Variants in KDM5B observed in about 807,000 individuals in gnomAD.
KDM5B encodes the protein lysine demethylase 5B.
A neutral mutation model predicts 193.4 loss-of-function variants in KDM5B; 144 were observed. The ratio of observed to expected loss-of-function variants is 0.74; its 90% CI spans 0.65 to 0.86. The LOEUF is 0.86. Among genes scored for constraint, KDM5B ranks in the 40% least tolerant of loss-of-function variants. KDM5B has a pLI of 0.00. For missense variants in KDM5B, 1,833 were observed against 1,886.9 expected (o/e 0.97, Z 0.53); for synonymous variants, 668 against 682.6 (o/e 0.98, Z 0.33).
chr1:202,775,874 AAAAAAATATAT>A (rs1451184702), intron 2 of KDM5B, among the ~76,000 whole-genome samples: 3 of 126,988 alleles, frequency 2.4e-5, no homozygotes, highest in Admixed American at 9.3e-5. Flanking sequence ...AAAAAAAAAA[AAAAAAATATAT>A]ATATATATAT....
Position 202,733,894 on chromosome 1 carries a change from A to G in KDM5B, c.3424-8T>C. ...TTCCCCAAGAGTTGCCATCTGAAAA[A>G]GAGTTAACAATCAAGGATGATGTCC... On this transcript the variant is annotated splice_region_variant and splice_polypyrimidine_tract_variant and intron_variant, in intron 22 of 26. Transcript: ENST00000367265. The G allele has an allele frequency of 1.2e-6, 2 of 1,600,040 alleles. No homozygotes were observed. The highest frequency in any genetic ancestry group is 1.7e-6 in the Non-Finnish European group (2 of 1,173,038).
Position 202,808,343 on chromosome 1 carries a change from C to G in KDM5B, c.-38G>C. On this transcript the variant is annotated 5_prime_UTR_variant, in exon 1 of 27. Transcript: ENST00000367265. ...GGCAAGGGCGAGGCGAAGGTGGGCT[C>G]CGGGACCGAGGCTGCGAGCTCCGCT... is the stretch of plus-strand genomic sequence containing the variant. The G allele has an allele frequency of 6.6e-7, 1 of 1,517,200 alleles. No homozygotes were observed. Among genetic ancestry groups the G allele is most frequent in the Non-Finnish European group, 8.8e-7 (1 of 1,136,208 alleles). 94.0% of individuals were successfully genotyped at this position (1,517,200 alleles called of 1,614,324 possible). A position where few individuals can be genotyped will look rare whatever the true frequency, so the allele number is the denominator to read the frequency against.
At chr1:202,783,103 G>A (rs775260363) in intron 1 of KDM5B, among the ~76,000 whole-genome samples, 5 of 152,088 alleles carry the variant, frequency 3.3e-5, no homozygotes, top group Non-Finnish European at 5.9e-5. Flanking sequence ...AAAATTAGCC[G>A]GACATGGTGG....
Position 202,755,512 on chromosome 1 carries a change from A to G in KDM5B, c.1357-60T>C, listed in dbSNP as rs1204777778. 8.7e-6 allele frequency: 11 copies of G among 1,265,408 alleles called. No individual in the cohort carries two copies. The African/African-American group carries it at 1.2e-4, about 14-fold the overall frequency. 78.4% of individuals were successfully genotyped at this position (1,265,408 alleles called of 1,614,324 possible). ...AGCTATACAATGCTAACGTTTTAGA[A>G]GGCCAGCTAAAAATATTATCCTTCA... is the stretch of plus-strand genomic sequence containing the variant. On this transcript the variant is annotated intron_variant, in intron 10 of 26. Coordinates refer to ENST00000367265, the MANE Select transcript of KDM5B (RefSeq NM_006618.5).
At chr1:202,740,580 G>C (rs1404898141) in intron 20 of KDM5B, 94 bp downstream of exon 20, 2 of 1,261,476 alleles carry the variant, frequency 1.6e-6, no homozygotes, top group South Asian at 1.6e-5. Context: ...GGCCGGGTCG[G>C]GGGCTGACCC....
At chr1:202,783,158 C>T (rs1657266080) in intron 1 of KDM5B, among the ~76,000 whole-genome samples, 1 of 152,188 alleles carries the variant, frequency 6.6e-6, no homozygotes, top group African/African-American at 2.4e-5. Context: ...TAACCAGCTA[C>T]TCAGGAGGCT....
chr1:202,787,952 G>A (rs984795672), intron 1 of KDM5B, among the ~76,000 whole-genome samples: 2 of 152,204 alleles, frequency 1.3e-5, no homozygotes, highest in Middle Eastern at 3.4e-3. Flanking sequence ...TAGCTGAAAG[G>A]GGGGAGTTTT....
intron 20 of KDM5B, among the ~76,000 whole-genome samples, chr1:202,738,651 T>C (rs979529034): frequency 1.3e-5 from 2 of 152,216 alleles, no homozygotes; most frequent in Non-Finnish European, 2.9e-5. Flanking sequence ...TCGTATTTTA[T>C]TTCTAGAATT....
intron 9 of KDM5B, 147 bp from the exon 10 acceptor site, chr1:202,756,663 C>A (rs1656024948): frequency 3.8e-6 from 2 of 519,616 alleles, no homozygotes; most frequent in Non-Finnish European, 6.3e-6. Context: ...TTCAGGAAAC[C>A]TCTACTGTCT....
At chr1:202,779,945 T>C (rs561210401) in intron 1 of KDM5B, among the ~76,000 whole-genome samples, 1 of 152,042 alleles carries the variant, frequency 6.6e-6, no homozygotes, top group African/African-American at 2.4e-5. Flanking sequence ...CATTGAATAT[T>C]ATACAGCATT....
intron 19 of KDM5B, 87 bp downstream of exon 19, chr1:202,741,280 C>G: frequency 4.3e-6 from 4 of 923,926 alleles, no homozygotes; most frequent in Non-Finnish European, 6.3e-6. Flanking sequence ...CTACTGAGCA[C>G]TTGCCATAGA....
intron 26 of KDM5B, 118 bp from the exon 27 acceptor site, chr1:202,729,291 G>A: frequency 9.0e-7 from 1 of 1,106,098 alleles, no homozygotes; most frequent in East Asian, 2.5e-5. Context: ...CCCACCACTG[G>A]GACCTCTGGC....
At chr1:202,777,579 T>C (rs1358979763) in intron 1 of KDM5B, among the ~76,000 whole-genome samples, 1 of 152,050 alleles carries the variant, frequency 6.6e-6, no homozygotes, top group Admixed American at 6.6e-5. Flanking sequence ...TGGAAACCTC[T>C]GCCTCCTGAG....
intron 13 of KDM5B, among the ~76,000 whole-genome samples, chr1:202,749,398 AAT>A (rs1019745129): frequency 6.6e-6 from 1 of 152,154 alleles, no homozygotes; most frequent in African/African-American, 2.4e-5. Flanking sequence ...TCTACAAACA[AAT>A]ATAAACATTA....
intron 1 of KDM5B, among the ~76,000 whole-genome samples, chr1:202,797,624 C>G (rs79805375): frequency 1.1e-3 from 161 of 152,274 alleles, no homozygotes; most frequent in African/African-American, 3.8e-3. Flanking sequence ...TACTAGACTT[C>G]AACTATTGAC....
At chr1:202,758,351 C>T (rs1323125293) in intron 9 of KDM5B, 40 bp downstream of exon 9, 1 of 1,518,524 alleles carries the variant, frequency 6.6e-7, no homozygotes, top group East Asian at 2.3e-5. Flanking sequence ...TCTCCAAAAG[C>T]TATTAAAATC....
At chr1:202,750,869 CA>C in intron 12 of KDM5B, 91 bp from the exon 13 acceptor site, 3 of 1,309,318 alleles carry the variant, frequency 2.3e-6, no homozygotes, top group Non-Finnish European at 3.1e-6. Flanking sequence ...AGATAATTTT[CA>C]AAAAAAGGCA....
At chr1:202,744,066 A>G (rs2102238440) in intron 16 of KDM5B, among the ~76,000 whole-genome samples, 1 of 152,378 alleles carries the variant, frequency 6.6e-6, no homozygotes, top group African/African-American at 2.4e-5. Context: ...GAATGGGAGA[A>G]AATACTTGCA....
In KDM5B at chr1:202,774,619, A is replaced by G; in HGVS notation, c.399T>C (p.Leu133=). Residue 133 remains leucine (L), a synonymous_variant, in exon 3 of 27, where the codon CTT becomes CTC. Transcript: ENST00000367265. ...ATGGTCATTAGCTCTTTACCTTATT[A>G]AGCTGAAATAAGTCCAAGATCTTCC... The part of the protein sequence containing the change: ...VERKILDLFQ[L]NKLVAEEGGF... The G allele has an allele frequency of 6.2e-7, 1 of 1,609,996 alleles. No individual in the cohort carries two copies. Among genetic ancestry groups the G allele is most frequent in the Non-Finnish European group, 8.5e-7 (1 of 1,176,482 alleles).
Sources: allele counts gnomAD v4.1 joint callset (sites outside exome capture counted in the v4.1 genomes callset), GRCh38; gene constraint gnomAD v4.1.1; transcripts MANE v1.5; gene names NCBI Gene and HGNC (gene_info 2026-07-23, HGNC 2026-07-21).